PARD3: variants seen among roughly 807,000 people sequenced by gnomAD.
PARD3 encodes the protein partitioning defective 3 homolog.
Under a neutral mutation model 155.4 loss-of-function variants are expected in PARD3, and 75 were observed. That is an observed-to-expected ratio of 0.48 (90% confidence interval 0.40 to 0.58). The LOEUF is 0.58. PARD3 is among the 20% of genes least tolerant of loss of function. The pLI is 0.00. For missense variants in PARD3, 1,642 were observed against 1,721.7 expected, an observed-to-expected ratio of 0.95 and a Z score of 0.82; for synonymous variants, 576 against 610.5, an observed-to-expected ratio of 0.94 and a Z score of 0.83.
At chr10:34,467,951 T>A (rs1413862322) in intron 4 of PARD3, among the ~76,000 whole-genome samples, 3 of 152,052 alleles carry the variant, frequency 2.0e-5, no homozygotes, top group Admixed American at 2.0e-4. Context: ...TTCAGTAGCA[T>A]GAGATTTTAA....
At chr10:34,724,385 T>C (rs2094662685) in intron 1 of PARD3, among the ~76,000 whole-genome samples, 1 of 152,212 alleles carries the variant, frequency 6.6e-6, no homozygotes, top group African/African-American at 2.4e-5. Context: ...TTCCCTTCAG[T>C]TCTCTTACAT....
At chr10:34,289,300 C>T (rs550977684) in intron 20 of PARD3, among the ~76,000 whole-genome samples, 2 of 152,238 alleles carry the variant, frequency 1.3e-5, no homozygotes, top group African/African-American at 4.8e-5. Context: ...AGTGATTCTC[C>T]TGCCTCAGCC....
At chr10:34,624,379 G>A (rs1444680187) in intron 2 of PARD3, among the ~76,000 whole-genome samples, 5 of 152,156 alleles carry the variant, frequency 3.3e-5, no homozygotes, top group Non-Finnish European at 5.9e-5. Context: ...AAACCACAAC[G>A]AAAAGGATCT....
Position 34,317,111 on chromosome 10 carries a change from A to G in PARD3, c.3061T>C (p.Phe1021Leu), listed in dbSNP as rs1958057820. ...KGMLKGLGDM[F>L]RFGKHRKDDK... ...TTTGGGATGGTAACGACTTACCTGA[A>G]CATGTCTCCCAAGCCCTTCAGCATT... Residue 1021 changes from phenylalanine (F) to leucine (L), a missense_variant, in exon 20 of 25, where the codon TTC (phenylalanine) becomes CTC (leucine). Coordinates refer to ENST00000374788, the MANE Select transcript of PARD3 (RefSeq NM_001184785.2). 1.3e-6 allele frequency: 2 copies of G among 1,551,328 alleles called. No homozygotes were observed. Among genetic ancestry groups the G allele is most frequent in the Non-Finnish European group, 1.7e-6 (2 of 1,147,410 alleles).
chr10:34,468,548 GGAT>G (rs1161169546), intron 4 of PARD3, among the ~76,000 whole-genome samples: 1 of 152,046 alleles, frequency 6.6e-6, no homozygotes, highest in African/African-American at 2.4e-5. Flanking sequence ...CTGCTTCTTT[GGAT>G]AGTCTACTGC....
intron 3 of PARD3, among the ~76,000 whole-genome samples, chr10:34,477,075 A>G (rs897774741): frequency 6.6e-6 from 1 of 152,160 alleles, no homozygotes; most frequent in Non-Finnish European, 1.5e-5. Context: ...TGATCTTCTC[A>G]CCTATGATTT....
Position 34,626,510 on chromosome 10 carries a change from T to C in PARD3, c.222+69808A>G, listed in dbSNP as rs114390136. ...AAAGGAAGACAAAGAGAACAAACAA[T>C]GTAATTGGACATTATTCTGTGATTA... is the stretch of plus-strand genomic sequence containing the variant. On this transcript the variant is annotated intron_variant, in intron 2 of 24. Transcript: ENST00000374788. Among the ~76,000 whole-genome samples the C allele has an allele frequency of 3.1e-3, 479 of 152,330 alleles. 2 individuals are homozygous for C. Among genetic ancestry groups the C allele is most frequent in the African/African-American group, 0.011 (445 of 41,574 alleles).
intron 1 of PARD3, among the ~76,000 whole-genome samples, chr10:34,721,153 C>G (rs977349881): frequency 6.6e-6 from 1 of 152,112 alleles, no homozygotes; most frequent in South Asian, 2.1e-4. Flanking sequence ...GAATATGATA[C>G]AGAGACAGAA....
intron 2 of PARD3, among the ~76,000 whole-genome samples, chr10:34,576,332 G>T (rs561019539): frequency 1.3e-5 from 2 of 152,128 alleles, no homozygotes; most frequent in Non-Finnish European, 2.9e-5. Flanking sequence ...CTGTCTGCTT[G>T]CTTGTGCATT....
chr10:34,445,939 A>C (rs1186692951), intron 5 of PARD3, among the ~76,000 whole-genome samples: 1 of 152,164 alleles, frequency 6.6e-6, no homozygotes, highest in East Asian at 1.9e-4. Context: ...CTCCCACCGC[A>C]GCCCCAGTTC....
At chr10:34,330,066 T>A (rs916664063) in intron 19 of PARD3, among the ~76,000 whole-genome samples, 7 of 152,170 alleles carry the variant, frequency 4.6e-5, no homozygotes, top group African/African-American at 1.7e-4. Flanking sequence ...ACACAAATTA[T>A]CTCTGGTCTC....
At chr10:34,420,876 A>G (rs1457923606) in intron 5 of PARD3, among the ~76,000 whole-genome samples, 1 of 152,198 alleles carries the variant, frequency 6.6e-6, no homozygotes, top group East Asian at 1.9e-4. Context: ...TCAATCTGTA[A>G]TTTTAAACTG....
intron 23 of PARD3, among the ~76,000 whole-genome samples, chr10:34,129,367 G>C (rs1226862409): frequency 6.6e-6 from 1 of 152,074 alleles, no homozygotes; most frequent in Non-Finnish European, 1.5e-5. Flanking sequence ...TGTCCAGGCT[G>C]GTCTCGAACA....
intron 3 of PARD3, among the ~76,000 whole-genome samples, chr10:34,505,982 C>T (rs538200482): frequency 1.3e-3 from 196 of 152,070 alleles, no homozygotes; most frequent in Admixed American, 2.3e-3. Flanking sequence ...AAAAATCAGC[C>T]GGGAATTGTG....
intron 1 of PARD3, among the ~76,000 whole-genome samples, chr10:34,760,025 T>C (rs542271703): frequency 5.9e-5 from 9 of 152,276 alleles, no homozygotes; most frequent in African/African-American, 1.4e-4. Context: ...ACTAGGTATA[T>C]AGGTTTCAAC....
At chr10:34,577,655 T>C (rs1388394484) in intron 2 of PARD3, among the ~76,000 whole-genome samples, 1 of 152,166 alleles carries the variant, frequency 6.6e-6, no homozygotes, top group Non-Finnish European at 1.5e-5. Context: ...GCTCATCTCC[T>C]GTCTGTAAAA....
At chr10:34,439,517 G>A (rs536455416) in intron 5 of PARD3, among the ~76,000 whole-genome samples, 1 of 152,078 alleles carries the variant, frequency 6.6e-6, no homozygotes, top group African/African-American at 2.4e-5. Context: ...GAGTGCAGTG[G>A]TGCAATCTTG....
chr10:34,161,215 A>G (rs1446954010), intron 22 of PARD3, among the ~76,000 whole-genome samples: 1 of 145,764 alleles, frequency 6.9e-6, no homozygotes, highest in Non-Finnish European at 1.5e-5. Flanking sequence ...ACTGCACTCC[A>G]GGCTGGGCAA....
intron 4 of PARD3, among the ~76,000 whole-genome samples, chr10:34,451,121 T>A (rs1207088983): frequency 2.6e-5 from 4 of 152,148 alleles, no homozygotes; most frequent in African/African-American, 9.7e-5. Context: ...ATCAACTAAG[T>A]TTTTAATACT....
Sources: allele counts gnomAD v4.1 joint callset (sites outside exome capture counted in the v4.1 genomes callset), GRCh38; gene constraint gnomAD v4.1.1; transcripts MANE v1.5; gene names NCBI Gene and HGNC (gene_info 2026-07-23, HGNC 2026-07-21).